Variants in SMYD3 observed in about 807,000 individuals in gnomAD.
SMYD3 encodes histone-lysine N-methyltransferase SMYD3.
Under a neutral mutation model 57.7 loss-of-function variants are expected in SMYD3, and 36 were observed. That is an observed-to-expected ratio of 0.62 (90% CI 0.48 to 0.82). SMYD3 has a LOEUF of 0.82. Ranked by LOEUF, SMYD3 falls within the 40% of genes least tolerant of loss-of-function variation. The pLI, the probability that SMYD3 is intolerant of heterozygous loss-of-function variation, is 0.00. For missense variants in SMYD3, 515 were observed against 538.8 expected (o/e 0.96, Z 0.44); for synonymous variants, 211 against 195.0 (o/e 1.08, Z -0.68).
At chr1:245,870,770 T>C (rs542839997) in intron 8 of SMYD3, among the ~76,000 whole-genome samples, 12 of 152,322 alleles carry the variant, frequency 7.9e-5, no homozygotes, top group African/African-American at 2.4e-4. Context: ...TAGGGAAAGT[T>C]TGGAGTCCAG....
intron 5 of SMYD3, among the ~76,000 whole-genome samples, chr1:246,291,207 CT>C (rs139927243): frequency 0.014 from 2,168 of 152,318 alleles, 62 homozygotes; most frequent in East Asian, 0.088. Context: ...ACGTTCCCCT[CT>C]GGTTTCTTTC....
At chr1:246,360,776 C>G (rs929168654) in intron 1 of SMYD3, among the ~76,000 whole-genome samples, 3 of 152,108 alleles carry the variant, frequency 2.0e-5, no homozygotes, top group African/African-American at 4.8e-5. Flanking sequence ...ATCCTCATCT[C>G]TCACCTTACA....
intron 10 of SMYD3, among the ~76,000 whole-genome samples, chr1:245,781,815 C>T (rs1305886407): frequency 1.3e-5 from 2 of 151,974 alleles, no homozygotes; most frequent in Admixed American, 1.3e-4. Flanking sequence ...ACTAAAAGTC[C>T]AAATTTAGCT....
intron 8 of SMYD3, among the ~76,000 whole-genome samples, chr1:245,889,159 T>A (rs954844231): frequency 6.6e-6 from 1 of 152,202 alleles, no homozygotes; most frequent in Non-Finnish European, 1.5e-5. Flanking sequence ...CATGTCATGT[T>A]TTAAAGGCTT....
chr1:246,376,181 CA>C (rs1347364186), intron 1 of SMYD3, among the ~76,000 whole-genome samples: 1 of 152,070 alleles, frequency 6.6e-6, no homozygotes, highest in African/African-American at 2.4e-5. Flanking sequence ...ATAAATATTA[CA>C]GTATTACATA....
At chr1:245,869,252 T>G (rs1445496047) in intron 8 of SMYD3, among the ~76,000 whole-genome samples, 1 of 152,196 alleles carries the variant, frequency 6.6e-6, no homozygotes, top group Non-Finnish European at 1.5e-5. Flanking sequence ...CTAAAAAGAA[T>G]TCAGCCTAGA....
At chr1:246,422,854 C>T (rs2102999517) in intron 1 of SMYD3, among the ~76,000 whole-genome samples, 1 of 152,196 alleles carries the variant, frequency 6.6e-6, no homozygotes, top group Non-Finnish European at 1.5e-5. Context: ...TTTCTGGCCA[C>T]AAATATTTAC....
chr1:245,763,422 T>C (rs567231304), intron 11 of SMYD3, among the ~76,000 whole-genome samples: 1 of 152,234 alleles, frequency 6.6e-6, no homozygotes, highest in South Asian at 2.1e-4. Flanking sequence ...AACACTGGAA[T>C]TGGGCCTTAA....
intron 10 of SMYD3, among the ~76,000 whole-genome samples, chr1:245,853,016 G>A (rs1359801497): frequency 6.6e-6 from 1 of 152,168 alleles, no homozygotes; most frequent in Non-Finnish European, 1.5e-5. Flanking sequence ...CTACAGCATG[G>A]AAAACATGAT....
At chr1:246,137,789 C>T (rs991587373) in intron 5 of SMYD3, among the ~76,000 whole-genome samples, 7 of 152,048 alleles carry the variant, frequency 4.6e-5, no homozygotes, top group South Asian at 2.1e-4. Flanking sequence ...TAGGATAAGC[C>T]GATTTCTTTT....
In SMYD3 at chr1:246,012,433, C is replaced by G. The variant is rs2059300446; in HGVS notation, c.532-82496G>C. Among the ~76,000 whole-genome samples, 3 of 152,182 alleles carry G rather than the reference C, an allele frequency of 2.0e-5. No individual in the cohort carries two copies. In the South Asian group the frequency reaches 6.2e-4, roughly 32 times the overall value. On this transcript the variant is annotated intron_variant, in intron 5 of 11. Transcript: ENST00000490107. Reference sequence around the variant, plus strand: ...TTCATGGGTGCAACAGAACTTGTAGCAATTCTCTGGTTTAAACAACAGGTG... The same window carrying G: ...TTCATGGGTGCAACAGAACTTGTAGGAATTCTCTGGTTTAAACAACAGGTG...
intron 8 of SMYD3, among the ~76,000 whole-genome samples, chr1:245,899,718 T>C (rs1325127606): frequency 6.6e-6 from 1 of 152,232 alleles, no homozygotes; most frequent in Non-Finnish European, 1.5e-5. Flanking sequence ...AGAGTATTTC[T>C]TTATGAGCTT....
At chr1:246,201,999 A>G (rs1338506590) in intron 5 of SMYD3, among the ~76,000 whole-genome samples, 1 of 149,634 alleles carries the variant, frequency 6.7e-6, no homozygotes, top group Non-Finnish European at 1.5e-5. Context: ...GGCAACAGAG[A>G]CTCTGTCTCA....
intron 5 of SMYD3, among the ~76,000 whole-genome samples, chr1:246,230,997 A>G (rs1188175328): frequency 6.6e-6 from 1 of 152,186 alleles, no homozygotes; most frequent in East Asian, 1.9e-4. Context: ...ACTATTTATC[A>G]TATGATGTAT....
intron 10 of SMYD3, among the ~76,000 whole-genome samples, chr1:245,852,910 C>A (rs2051049768): frequency 6.6e-6 from 1 of 152,070 alleles, no homozygotes; most frequent in Non-Finnish European, 1.5e-5. Context: ...TTAGGCATGC[C>A]AGATAATTCA....
intron 2 of SMYD3, among the ~76,000 whole-genome samples, chr1:246,338,935 G>A (rs768306254): frequency 7.2e-5 from 11 of 152,064 alleles, no homozygotes; most frequent in South Asian, 2.1e-4. Context: ...ATTCTGTGTC[G>A]GACAGTTCTC....
intron 5 of SMYD3, among the ~76,000 whole-genome samples, chr1:246,112,105 G>A (rs928323578): frequency 1.3e-5 from 2 of 152,138 alleles, no homozygotes; most frequent in African/African-American, 4.8e-5. Context: ...TATATACTCT[G>A]CCCTTCAGAG....
At chr1:246,425,614 G>C (rs1349554234) in intron 1 of SMYD3, among the ~76,000 whole-genome samples, 1 of 152,132 alleles carries the variant, frequency 6.6e-6, no homozygotes, top group Non-Finnish European at 1.5e-5. Flanking sequence ...ATAACTATGA[G>C]GTAGATTCCA....
At chr1:246,368,687 G>T (rs537058473) in intron 1 of SMYD3, among the ~76,000 whole-genome samples, 1 of 152,182 alleles carries the variant, frequency 6.6e-6, no homozygotes, top group African/African-American at 2.4e-5. Flanking sequence ...GACTGGGAAA[G>T]GCAGACCCCC....
Sources: allele counts gnomAD v4.1 joint callset (sites outside exome capture counted in the v4.1 genomes callset), GRCh38; gene constraint gnomAD v4.1.1; transcripts MANE v1.5; gene names NCBI Gene and HGNC (gene_info 2026-07-23, HGNC 2026-07-21).